The following RGS7BP variants were observed in gnomAD, a reference collection of about 807,000 sequenced individuals.
RGS7BP encodes regulator of G protein signaling 7-binding protein.
A neutral mutation model predicts 31.3 loss-of-function variants in RGS7BP; 9 were observed. That is an observed-to-expected ratio of 0.29 (90% CI 0.17 to 0.50). The LOEUF is 0.50. Among genes scored for constraint, RGS7BP ranks in the 20% least tolerant of loss-of-function variants. The probability of loss-of-function intolerance (pLI) is 0.98; values close to 1 mark genes in which losing one functional copy is unlikely to be tolerated. For synonymous variants in RGS7BP, 115 were observed against 120.1 expected (o/e 0.96, Z 0.28); for missense variants, 274 against 322.0 (o/e 0.85, Z 1.14).
chr5:64,518,489 G>A lies in RGS7BP; in HGVS notation c.332+10612G>A, dbSNP rs1286028053. Among the ~76,000 whole-genome samples the A allele has an allele frequency of 3.3e-5, 5 of 152,146 alleles. No homozygotes were observed. In the East Asian group the frequency reaches 9.7e-4, roughly 29 times the overall value. On this transcript the variant is annotated intron_variant, in intron 2 of 5. Coordinates refer to ENST00000334025, the MANE Select transcript of RGS7BP (RefSeq NM_001029875.3). ...AGGAATGACATATGCAGCGTGGGTA[G>A]TTATCTTCTGATAGGGTGGTCAAAA...
chr5:64,591,287 G>A (rs942975534), intron 3 of RGS7BP, among the ~76,000 whole-genome samples: 1 of 151,860 alleles, frequency 6.6e-6, no homozygotes, highest in Non-Finnish European at 1.5e-5. Context: ...GAAAATAAAT[G>A]TTTACCTATG....
At chr5:64,534,723 C>T (rs767779767) in intron 2 of RGS7BP, among the ~76,000 whole-genome samples, 3 of 152,194 alleles carry the variant, frequency 2.0e-5, no homozygotes, top group Non-Finnish European at 2.9e-5. Flanking sequence ...TCCATTAATA[C>T]CCATTAAAAG....
intron 2 of RGS7BP, among the ~76,000 whole-genome samples, chr5:64,557,544 T>A (rs1281879883): frequency 1.3e-5 from 2 of 152,168 alleles, no homozygotes; most frequent in African/African-American, 2.4e-5. Context: ...CCTGACATCC[T>A]TCAAGCACTT....
At chr5:64,571,065 C>T (rs1004058385) in intron 2 of RGS7BP, among the ~76,000 whole-genome samples, 1 of 152,110 alleles carries the variant, frequency 6.6e-6, no homozygotes, top group African/African-American at 2.4e-5. Context: ...ATATCACCCT[C>T]ACCCCAGAAA....
intron 2 of RGS7BP, among the ~76,000 whole-genome samples, chr5:64,524,473 G>A (rs1373630133): frequency 6.6e-6 from 1 of 152,066 alleles, no homozygotes; most frequent in Non-Finnish European, 1.5e-5. Context: ...TGGATCATAT[G>A]ACTAACACAG....
chr5:64,598,921 C>T (rs569801774), intron 5 of RGS7BP, among the ~76,000 whole-genome samples: 3 of 152,216 alleles, frequency 2.0e-5, no homozygotes, highest in East Asian at 1.9e-4. Context: ...TAGAAACTGG[C>T]GCACAGAAAG....
chr5:64,603,662 TAAC>T (rs1179242085), intron 5 of RGS7BP, among the ~76,000 whole-genome samples: 1 of 152,208 alleles, frequency 6.6e-6, no homozygotes, highest in African/African-American at 2.4e-5. Flanking sequence ...CCACAGGATT[TAAC>T]AACAAGGTAG....
intron 2 of RGS7BP, among the ~76,000 whole-genome samples, chr5:64,539,331 T>C (rs527585072): frequency 6.6e-6 from 1 of 152,338 alleles, no homozygotes; most frequent in East Asian, 1.9e-4. Flanking sequence ...GTATTTTCAT[T>C]TTCTTAACAG....
chr5:64,510,723 GGTATT>G (rs1748810908), intron 2 of RGS7BP, among the ~76,000 whole-genome samples: 1 of 152,072 alleles, frequency 6.6e-6, no homozygotes, highest in Non-Finnish European at 1.5e-5. Context: ...TTTTTAGAAA[GGTATT>G]GTCATCATCA....
At chr5:64,558,391 A>G (rs925117497) in intron 2 of RGS7BP, among the ~76,000 whole-genome samples, 1 of 152,108 alleles carries the variant, frequency 6.6e-6, no homozygotes, top group Non-Finnish European at 1.5e-5. Flanking sequence ...CTTTACTGCA[A>G]TCTCTGAACA....
At chr5:64,588,476 G>A (rs569076468) in intron 3 of RGS7BP, among the ~76,000 whole-genome samples, 190 of 152,214 alleles carry the variant, frequency 1.2e-3, no homozygotes, top group African/African-American at 3.8e-3. Context: ...CTCCTGTCAC[G>A]CAGCCCACTG....
At chr5:64,524,949 C>T (rs16892813) in intron 2 of RGS7BP, among the ~76,000 whole-genome samples, 2,431 of 152,180 alleles carry the variant, frequency 0.016, 69 homozygotes, top group African/African-American at 0.055. Flanking sequence ...GAGTTGGCCT[C>T]TCCACCAATT....
chr5:64,558,990 C>T (rs545766174), intron 2 of RGS7BP, among the ~76,000 whole-genome samples: 5 of 152,290 alleles, frequency 3.3e-5, no homozygotes, highest in South Asian at 2.1e-4. Context: ...AATGACAATG[C>T]GTGCACAGCG....
intron 2 of RGS7BP, among the ~76,000 whole-genome samples, chr5:64,523,180 C>T (rs1263804424): frequency 6.6e-6 from 1 of 152,152 alleles, no homozygotes; most frequent in Non-Finnish European, 1.5e-5. Flanking sequence ...AACCCAGGTC[C>T]AGCAGGGCCC....
At position 64,506,511 on chromosome 5, in the gene RGS7BP, T is replaced by G. The variant is rs972486187; in HGVS notation, c.-114T>G. The G allele has an allele frequency of 6.8e-6, 6 of 877,344 alleles. No individual in the cohort carries two copies. The South Asian group carries it at 9.1e-5, about 13-fold the overall frequency. 54.3% of individuals were successfully genotyped at this position (877,344 alleles called of 1,614,324 possible). ...CGCAGCCAGCCCCAGCACTGTGAGC[T>G]GCGCGCCTCAGGTCCGGGCTCCGGC... On this transcript the variant is annotated 5_prime_UTR_variant, in exon 1 of 6. Transcript: ENST00000334025. The surrounding 1 kb of genome is among the most constrained non-coding windows in gnomAD (Gnocchi z 4.6).
intron 2 of RGS7BP, chr5:64,573,601 G>A (rs184092557): frequency 2.6e-5 from 4 of 150,952 alleles, no homozygotes; most frequent in Non-Finnish European, 4.4e-5. Context: ...AAATTGAAAT[G>A]ATACAGAAAA....
At chr5:64,542,450 C>G (rs1395162633) in intron 2 of RGS7BP, among the ~76,000 whole-genome samples, 1 of 152,232 alleles carries the variant, frequency 6.6e-6, no homozygotes, top group African/African-American at 2.4e-5. Flanking sequence ...ACCTCCCAAT[C>G]TCTAGCCAGC....
At chr5:64,530,241 G>C (rs1378180276) in intron 2 of RGS7BP, among the ~76,000 whole-genome samples, 2 of 152,054 alleles carry the variant, frequency 1.3e-5, no homozygotes, top group Non-Finnish European at 2.9e-5. Flanking sequence ...TAATGACATA[G>C]GGGCCTTTTA....
rs113756793 is a variant in RGS7BP at position 64,546,254 on chromosome 5, C to T, written c.333-29520C>T. 5.2e-3 allele frequency among the ~76,000 whole-genome samples: 785 copies of T among 152,108 alleles called. 7 individuals carry two copies. Among genetic ancestry groups the T allele is most frequent in the African/African-American group, 0.018 (747 of 41,486 alleles). Reference sequence around the variant, plus strand: ...ATTAGCTGGGAATGGATGAGGTGGTCAGGGAGACTGTGTAATGTGAGATGA... The same window carrying T: ...ATTAGCTGGGAATGGATGAGGTGGTTAGGGAGACTGTGTAATGTGAGATGA... On this transcript the variant is annotated intron_variant, in intron 2 of 5. Coordinates refer to ENST00000334025, the MANE Select transcript of RGS7BP (RefSeq NM_001029875.3).
Sources: gnomAD v4.1 joint callset for allele counts (sites outside exome capture counted in the v4.1 genomes callset) on GRCh38, gnomAD v4.1.1 for gene constraint, Gnocchi (gnomAD v3.1) non-coding constraint, MANE v1.5 for transcripts, NCBI Gene and HGNC (gene_info 2026-07-23, HGNC 2026-07-21) for gene names.